The following KRT3 variants were observed in gnomAD, a reference collection of about 807,000 sequenced individuals.
The protein encoded by KRT3 is keratin, type II cytoskeletal 3.
Under a neutral mutation model 45.8 loss-of-function variants are expected in KRT3, and 34 were observed. The observed-to-expected ratio is 0.74, with a 90% CI of 0.57 to 0.99. The LOEUF is 0.99. Ranked by LOEUF, KRT3 falls within the 50% of genes least tolerant of loss-of-function variation. The pLI, the probability that KRT3 is intolerant of heterozygous loss-of-function variation, is 0.00. For synonymous variants in KRT3, 367 were observed against 329.0 expected (o/e 1.12, Z -1.25); for missense variants, 828 against 820.6 (o/e 1.01, Z -0.11).
At chr12:52,793,019 T>G in intron 3 of KRT3, 144 bp downstream of exon 3, 1 of 691,464 alleles carries the variant, frequency 1.4e-6, no homozygotes, top group Non-Finnish European at 2.5e-6. Flanking sequence ...TTAGGGATCT[T>G]CCAGACTAAG....
chr12:52,791,475 C>T, intron 6 of KRT3, 49 bp from the exon 7 acceptor site: 1 of 1,578,750 alleles, frequency 6.3e-7, no homozygotes, highest in Non-Finnish European at 8.7e-7. Flanking sequence ...GGGCCCCAGG[C>T]CCTTCCTGAC....
Position 52,790,120 on chromosome 12 carries a change from GC to G in KRT3, c.1808del (p.Gly603AlafsTer104), listed in dbSNP as rs1233157974. 15 of 1,543,728 alleles carry G rather than the reference GC, an allele frequency of 9.7e-6. No homozygotes were observed. The highest frequency in any genetic ancestry group is 1.0e-5 in the Non-Finnish European group (12 of 1,146,784). On this transcript the variant is annotated frameshift_variant, in exon 9 of 9. Coordinates refer to ENST00000417996, the MANE Select transcript of KRT3 (RefSeq NM_057088.3). LOFTEE classifies it low-confidence loss of function (END_TRUNC). ...SGARYGVSGGGFSSASNRGGS... is the reference protein window; with the variant it reads ...SGARYGVSGGXFSSASNRGGS... ...CGCCCCGGTTGCTGGCCGAGCTGAAGCCCCCGCCACTGACTCCATAGCGGGC... is the reference window on the plus strand; with the variant it reads ...CGCCCCGGTTGCTGGCCGAGCTGAAGCCCCGCCACTGACTCCATAGCGGGC...
At position 52,789,709 on chromosome 12, in the gene KRT3, G is replaced by A. The variant is rs1390734185; in HGVS notation, c.*333C>T. 8.2e-6 allele frequency: 4 copies of A among 485,060 alleles called. No homozygotes were observed. Among genetic ancestry groups the A allele is most frequent in the East Asian group, 7.0e-5 (2 of 28,494 alleles). 30.0% of individuals were successfully genotyped at this position (485,060 alleles called of 1,614,324 possible). ...GTGAAACACAGTGCACTTTATTGGC[G>A]ACAGACCGGAGGGGCGGAGGGGGCT... On this transcript the variant is annotated 3_prime_UTR_variant, in exon 9 of 9. Transcript: ENST00000417996.
In KRT3 at chr12:52,790,259, C is replaced by T. The variant is rs367763143; in HGVS notation, c.1670G>A (p.Gly557Asp). The T allele has an allele frequency of 1.9e-4, 291 of 1,551,144 alleles. No homozygotes were observed. The highest frequency in any genetic ancestry group is 2.5e-4 in the Non-Finnish European group (283 of 1,147,000). ...GGGLGGGFSAGGGSGSGFGRG... is the reference protein window; with the variant it reads ...GGGLGGGFSADGGSGSGFGRG... ...GCCAAAGCCACTGCCTGAGCCGCCGCCCGCACTGAAGCCACCTCCTAAACC... is the reference window on the plus strand; with the variant it reads ...GCCAAAGCCACTGCCTGAGCCGCCGTCCGCACTGAAGCCACCTCCTAAACC... Residue 557 changes from glycine (G) to aspartate (D), a missense_variant, in exon 9 of 9, where the codon GGC becomes GAC. Transcript: ENST00000417996.
At chr12:52,793,032 G>T (rs1939561260) in intron 3 of KRT3, 131 bp downstream of exon 3, 1 of 716,818 alleles carries the variant, frequency 1.4e-6, no homozygotes, top group Non-Finnish European at 2.4e-6. Context: ...AGACTAAGGT[G>T]CACCTGACTT....
In KRT3 at chr12:52,795,871, A is replaced by G; in HGVS notation, c.172T>C (p.Tyr58His). 1 of 1,614,170 alleles carries G rather than the reference A, an allele frequency of 6.2e-7. No homozygotes were observed. The highest frequency in any genetic ancestry group is 8.5e-7 in the Non-Finnish European group (1 of 1,180,014). ...GAGGFGSRSL[Y>H]NLGGNKSISI... ...ATGCTCTTGTTGCCGCCCAGGTTGT[A>G]GAGGCTGCGACTGCCAAAGCCACCT... Residue 58 changes from tyrosine to histidine, a missense_variant, in exon 1 of 9, where the codon TAC (tyrosine) becomes CAC (histidine). Coordinates refer to ENST00000417996, the MANE Select transcript of KRT3 (RefSeq NM_057088.3).
At position 52,794,326 on chromosome 12, in the gene KRT3, C is replaced by T. The variant is rs1939592048; in HGVS notation, c.651G>A (p.Arg217=). The T allele has an allele frequency of 1.9e-6, 3 of 1,613,226 alleles. No homozygotes were observed. In the Admixed American group the frequency reaches 5.0e-5, roughly 27 times the overall value. The part of the protein sequence containing the change: ...NKFASFIDKV[R]FLEQQNKVLE... ...GGACTTTGTTCTGTTGCTCCAGGAACCGCACCTGCAATGGTTGCAGGAAGC... is the reference window on the plus strand; with the variant it reads ...GGACTTTGTTCTGTTGCTCCAGGAATCGCACCTGCAATGGTTGCAGGAAGC... Residue 217 remains arginine (R), a synonymous_variant, in exon 2 of 9, where the codon CGG becomes CGA. Coordinates refer to ENST00000417996, the MANE Select transcript of KRT3 (RefSeq NM_057088.3).
chr12:52,793,354 C>T, intron 2 of KRT3, 131 bp from the exon 3 acceptor site: 1 of 633,382 alleles, frequency 1.6e-6, no homozygotes, highest in Non-Finnish European at 2.8e-6. Context: ...ATGAGCACAT[C>T]CTCTTTACTA....
intron 2 of KRT3, among the ~76,000 whole-genome samples, chr12:52,793,774 T>G (rs1470475932): frequency 3.9e-5 from 6 of 152,128 alleles, no homozygotes; most frequent in Non-Finnish European, 8.8e-5. Context: ...GTATTTTTAG[T>G]AGAGATGATA....
rs1939551584 is a variant in KRT3 at position 52,792,735 on chromosome 12, G to A, written c.999C>T (p.Asp333=). Residue 333 remains aspartate, a synonymous_variant, in exon 4 of 9, where the codon GAC becomes GAT. Coordinates refer to ENST00000417996, the MANE Select transcript of KRT3 (RefSeq NM_057088.3). ...AKVDALIDEI[D]FLRTLYDAEL... ...CAGCGTCGTAGAGGGTCCTTAAGAA[G>A]TCGATCTCATCTATCAAGGCATCCA... 1.2e-6 allele frequency: 2 copies of A among 1,612,622 alleles called. No individual in the cohort carries two copies. Among genetic ancestry groups the A allele is most frequent in the East Asian group, 2.2e-5 (1 of 44,868 alleles).
rs1939623079 is a variant in KRT3, at chr12:52,795,645, CCTCCAAA to C, written c.391_397del (p.Phe131GlyfsTer41). The C allele has an allele frequency of 6.9e-7, 1 of 1,446,760 alleles. No homozygotes were observed. Among genetic ancestry groups the C allele is most frequent in the African/African-American group, 1.8e-5 (1 of 54,796 alleles). 89.6% of individuals were successfully genotyped at this position (1,446,760 alleles called of 1,614,324 possible). A position where few individuals can be genotyped will look rare whatever the true frequency, so the allele number is the denominator to read the frequency against. On this transcript the variant is annotated frameshift_variant, in exon 1 of 9. Coordinates refer to ENST00000417996, the MANE Select transcript of KRT3 (RefSeq NM_057088.3). LOFTEE classifies it high-confidence loss of function. ...ACCAGGACCACCAAAGCCACCAGCCCCTCCAAAGCCACCAGCCCCTCCAAAGCCACCA... is the reference window on the plus strand; with the variant it reads ...ACCAGGACCACCAAAGCCACCAGCCCGCCACCAGCCCCTCCAAAGCCACCA...
intron 7 of KRT3, among the ~76,000 whole-genome samples, 157 bp downstream of exon 7, chr12:52,791,049 C>A (rs993195255): frequency 6.6e-6 from 1 of 152,226 alleles, no homozygotes; most frequent in Non-Finnish European, 1.5e-5. Context: ...TGGTTGCATA[C>A]GTGCCCTGGG....
At chr12:52,793,334 C>A in intron 2 of KRT3, 111 bp from the exon 3 acceptor site, 1 of 715,680 alleles carries the variant, frequency 1.4e-6, no homozygotes, top group South Asian at 1.7e-5. Flanking sequence ...CCCTATCCTG[C>A]CCCTCTCAGA....
At chr12:52,790,386 C>T in intron 8 of KRT3, 28 bp from the exon 9 acceptor site, 1 of 1,562,562 alleles carries the variant, frequency 6.4e-7, no homozygotes, top group Non-Finnish European at 8.7e-7. Context: ...GGACAGCGAT[C>T]AGCGACGGCG....
intron 1 of KRT3, among the ~76,000 whole-genome samples, 169 bp from the exon 2 acceptor site, chr12:52,794,500 TGATGAGTCA>T (rs1396212125): frequency 6.6e-6 from 1 of 152,098 alleles, no homozygotes; most frequent in Non-Finnish European, 1.5e-5. Flanking sequence ...ATCAGATGGG[TGATGAGTCA>T]GGACACTACA....
Position 52,795,721 on chromosome 12 carries a change from C to T in KRT3, c.322G>A (p.Gly108Ser), listed in dbSNP as rs963482388. 8.1e-6 allele frequency: 13 copies of T among 1,613,512 alleles called. No individual in the cohort carries two copies. The African/African-American group carries it at 1.5e-4, about 18-fold the overall frequency. Reference sequence around the variant, plus strand: ...CCCATTCCTCTGCCACCACCAAAGCCACCACCAAAGCCACCTCCATAGCCG... The same window carrying T: ...CCCATTCCTCTGCCACCACCAAAGCTACCACCAAAGCCACCTCCATAGCCG... ...GSGYGGGFGGGFGGGRGMGGG... is the reference protein window; with the variant it reads ...GSGYGGGFGGSFGGGRGMGGG... Residue 108 changes from glycine to serine, a missense_variant, in exon 1 of 9, where the codon GGC (glycine) becomes AGC (serine). By Grantham distance (56) the Gly-to-Ser change is moderately conservative. Transcript: ENST00000417996.
Position 52,795,667 on chromosome 12 carries a change from C to T in KRT3, c.376G>A (p.Gly126Arg). 6.2e-7 allele frequency: 1 copy of T among 1,604,952 alleles called. No individual in the cohort carries two copies. Among genetic ancestry groups the T allele is most frequent in the Non-Finnish European group, 8.5e-7 (1 of 1,176,884 alleles). Residue 126 changes from glycine (G) to arginine (R), a missense_variant, in exon 1 of 9, where the codon GGA becomes AGA. Physicochemically the swap from Gly to Arg is moderately radical, Grantham distance 125. Transcript: ENST00000417996. ...GGGFGGAGGFGGAGGFGGAGG... is the reference protein window; with the variant it reads ...GGGFGGAGGFRGAGGFGGAGG... ...GCCCCTCCAAAGCCACCAGCCCCTC[C>T]AAAGCCACCAGCTCCACCAAAGCCA... is the stretch of plus-strand genomic sequence containing the variant.
intron 2 of KRT3, 59 bp from the exon 3 acceptor site, chr12:52,793,282 G>A (rs985809987): frequency 3.3e-6 from 4 of 1,196,210 alleles, no homozygotes; most frequent in African/African-American, 3.0e-5. Context: ...AAACACCATT[G>A]TTCCCTGGAA....
chr12:52,792,737 C>G lies in KRT3; in HGVS notation c.997G>C (p.Asp333His). 1.2e-6 allele frequency: 2 copies of G among 1,612,728 alleles called. No homozygotes were observed. Among genetic ancestry groups the G allele is most frequent in the Non-Finnish European group, 8.5e-7 (1 of 1,178,776 alleles). Residue 333 changes from aspartate (D) to histidine (H), a missense_variant, in exon 4 of 9, where the codon GAC becomes CAC. Coordinates refer to ENST00000417996, the MANE Select transcript of KRT3 (RefSeq NM_057088.3). Reference sequence around the variant, plus strand: ...GCGTCGTAGAGGGTCCTTAAGAAGTCGATCTCATCTATCAAGGCATCCACT... The same window carrying G: ...GCGTCGTAGAGGGTCCTTAAGAAGTGGATCTCATCTATCAAGGCATCCACT... ...AKVDALIDEIDFLRTLYDAEL... is the reference protein window; with the variant it reads ...AKVDALIDEIHFLRTLYDAEL...
Sources: gnomAD v4.1 joint callset for allele counts (sites outside exome capture counted in the v4.1 genomes callset) on GRCh38, gnomAD v4.1.1 for gene constraint, MANE v1.5 for transcripts, NCBI Gene and HGNC (gene_info 2026-07-23, HGNC 2026-07-21) for gene names.